Variants in ALDH1L1 observed in about 807,000 individuals in gnomAD.
ALDH1L1 encodes aldehyde dehydrogenase 1 family member L1, also known as cytosolic 10-formyltetrahydrofolate dehydrogenase.
A neutral mutation model predicts 101.1 loss-of-function variants in ALDH1L1; 68 were observed. The observed-to-expected ratio is 0.67, with a 90% CI of 0.55 to 0.82. The LOEUF is 0.82. ALDH1L1 is among the 40% of genes least tolerant of loss of function. The pLI is 0.00. For missense variants in ALDH1L1, 1,087 were observed against 1,172.7 expected (o/e 0.93, Z 1.07); for synonymous variants, 486 against 470.8 (o/e 1.03, Z -0.42).
At position 126,103,864 on chromosome 3, in the gene ALDH1L1, G is replaced by A; in HGVS notation, c.2654-18C>T. The A allele has an allele frequency of 1.2e-6, 2 of 1,611,992 alleles. No homozygotes were observed. Among genetic ancestry groups the A allele is most frequent in the Non-Finnish European group, 1.7e-6 (2 of 1,179,096 alleles). On this transcript the variant is annotated intron_variant, in intron 22 of 22. Transcript: ENST00000393434. ...CGCCTCTCCTGTAAGACACCACAAAGGTCACAGCAGCTCCCACCACAGGCA... is the reference window on the plus strand; with the variant it reads ...CGCCTCTCCTGTAAGACACCACAAAAGTCACAGCAGCTCCCACCACAGGCA...
At chr3:126,138,084 T>G (rs987970731) in intron 9 of ALDH1L1, 124 bp from the exon 10 acceptor site, 114 of 1,273,276 alleles carry the variant, frequency 9.0e-5, no homozygotes, top group Non-Finnish European at 8.8e-5. Flanking sequence ...GAGGTAGCCA[T>G]GAGCCCAGAA....
intron 1 of ALDH1L1, among the ~76,000 whole-genome samples, chr3:126,193,076 C>T (rs763961149): frequency 2.8e-4 from 43 of 152,176 alleles, no homozygotes; most frequent in Non-Finnish European, 4.9e-4. Context: ...GCGACTGTTA[C>T]AAGTGCATAC....
At position 126,159,222 on chromosome 3, in the gene ALDH1L1, GCA is replaced by G. The variant is rs143177704; in HGVS notation, c.128-585_128-584del. ...CTAGCCTCAATATGCACACATGCGT[GCA>G]CACACACACACACACACACACACCC... On this transcript the variant is annotated intron_variant, in intron 2 of 22. Coordinates refer to ENST00000393434, the MANE Select transcript of ALDH1L1 (RefSeq NM_012190.4). 1.6e-3 allele frequency among the ~76,000 whole-genome samples: 241 copies of G among 146,972 alleles called. 1 individual carries two copies. The highest frequency in any genetic ancestry group is 2.6e-3 in the Non-Finnish European group (169 of 66,126).
chr3:126,170,817 C>T (rs778588844), intron 1 of ALDH1L1, among the ~76,000 whole-genome samples: 29 of 152,140 alleles, frequency 1.9e-4, no homozygotes, highest in Non-Finnish European at 2.2e-4. Context: ...TAACTACAAG[C>T]AGCCAGAAAG....
chr3:126,172,768 C>A (rs2081303673), intron 1 of ALDH1L1, among the ~76,000 whole-genome samples: 1 of 151,132 alleles, frequency 6.6e-6, no homozygotes, highest in African/African-American at 2.4e-5. Context: ...CCCCCACCCC[C>A]CAAAAAATCT....
chr3:126,106,662 C>T (rs538906877), intron 21 of ALDH1L1, among the ~76,000 whole-genome samples: 15 of 152,298 alleles, frequency 9.8e-5, no homozygotes, highest in South Asian at 4.1e-4. Flanking sequence ...GGCTGCCACG[C>T]GGAGGAAGCC....
intron 1 of ALDH1L1, among the ~76,000 whole-genome samples, chr3:126,186,572 G>A (rs1276665885): frequency 6.6e-6 from 1 of 152,204 alleles, no homozygotes; most frequent in Non-Finnish European, 1.5e-5. Flanking sequence ...GAGGAGTGCA[G>A]CGTGTAGGGA....
chr3:126,168,952 TACAG>T (rs2081222202), intron 1 of ALDH1L1, among the ~76,000 whole-genome samples: 1 of 152,186 alleles, frequency 6.6e-6, no homozygotes, highest in East Asian at 1.9e-4. Context: ...TTTTGTTATT[TACAG>T]ACAATTTTTA....
At chr3:126,184,242 ACT>A (rs1306760537), upstream of ALDH1L1, among the ~76,000 whole-genome samples, 2 of 152,166 alleles carry the variant, frequency 1.3e-5, no homozygotes, top group Non-Finnish European at 2.9e-5. Context: ...AGTTCAGTTC[ACT>A]GTGCCGGGAA....
chr3:126,164,156 G>A (rs980725587), intron 1 of ALDH1L1, among the ~76,000 whole-genome samples: 1 of 152,112 alleles, frequency 6.6e-6, no homozygotes, highest in Non-Finnish European at 1.5e-5. Flanking sequence ...GGCAAGGCAA[G>A]GTAGGGCGGG....
At chr3:126,177,359 G>C (rs1440382118) in intron 1 of ALDH1L1, among the ~76,000 whole-genome samples, 1 of 152,192 alleles carries the variant, frequency 6.6e-6, no homozygotes, top group African/African-American at 2.4e-5. Context: ...CCATACAACA[G>C]AATATTAGTC....
In ALDH1L1 at chr3:126,158,396, C is replaced by T; in HGVS notation, c.362+9G>A. On this transcript the variant is annotated intron_variant, in intron 3 of 22. Coordinates refer to ENST00000393434, the MANE Select transcript of ALDH1L1 (RefSeq NM_012190.4). ...GGGGATGGCCCCCTGTGTTTTTGCC[C>T]CATCTCACCAGTTGATGGCCGAGGC... 6.4e-7 allele frequency: 1 copy of T among 1,566,048 alleles called. No individual in the cohort carries two copies. The highest frequency in any genetic ancestry group is 1.2e-5 in the South Asian group (1 of 86,818).
upstream of ALDH1L1, among the ~76,000 whole-genome samples, chr3:126,181,951 A>T (rs2108349070): frequency 6.6e-6 from 1 of 152,172 alleles, no homozygotes; most frequent in African/African-American, 2.4e-5. Flanking sequence ...ATATCTGTGG[A>T]ACTTCTCGAC....
Position 126,157,400 on chromosome 3 carries a change from G to T in ALDH1L1, c.471C>A (p.Asp157Glu). ...GGTTGTACAGCGTGCTCACGGTGTC[G>T]TCCGGGAGCACCTCACACTCCTTCT... ...LLQKECEVLP[D>E]DTVSTLYNRF... Residue 157 changes from aspartate to glutamate, a missense_variant, in exon 4 of 23, where the codon GAC (aspartate) becomes GAA (glutamate). By Grantham distance (45) the Asp-to-Glu change is conservative. Coordinates refer to ENST00000393434, the MANE Select transcript of ALDH1L1 (RefSeq NM_012190.4). 4 of 1,614,042 alleles carry T rather than the reference G, an allele frequency of 2.5e-6. No individual in the cohort carries two copies. The highest frequency in any genetic ancestry group is 3.4e-6 in the Non-Finnish European group (4 of 1,179,994).
At chr3:126,141,069 A>C (rs1023776685) in intron 9 of ALDH1L1, among the ~76,000 whole-genome samples, 1 of 152,088 alleles carries the variant, frequency 6.6e-6, no homozygotes, top group Non-Finnish European at 1.5e-5. Flanking sequence ...AGATATAATG[A>C]TACAAAAGAG....
At chr3:126,126,368 C>G (rs940746704) in intron 14 of ALDH1L1, among the ~76,000 whole-genome samples, 12 of 152,296 alleles carry the variant, frequency 7.9e-5, no homozygotes, top group Admixed American at 7.2e-4. Context: ...TGCCTTCCCC[C>G]CATACAGCAC....
Position 126,124,462 on chromosome 3 carries a change from G to C in ALDH1L1, c.1801-11C>G, listed in dbSNP as rs202221891. 7.0e-5 allele frequency: 112 copies of C among 1,607,072 alleles called. No individual in the cohort carries two copies. In the African/African-American group the frequency reaches 1.4e-3, roughly 20 times the overall value. ...TGTGAGTGGGGTCACCTGGGTGTGG[G>C]GCCAGGAAAGGAGACTGGGTAAGGA... On this transcript the variant is annotated splice_polypyrimidine_tract_variant and intron_variant, in intron 15 of 22. Coordinates refer to ENST00000393434, the MANE Select transcript of ALDH1L1 (RefSeq NM_012190.4).
intron 9 of ALDH1L1, among the ~76,000 whole-genome samples, chr3:126,140,101 G>A (rs1329060751): frequency 6.6e-6 from 1 of 152,114 alleles, no homozygotes; most frequent in Admixed American, 6.6e-5. Flanking sequence ...TCCACACCAA[G>A]GCACATTACA....
chr3:126,134,324 C>T (rs1367833382), intron 12 of ALDH1L1, among the ~76,000 whole-genome samples: 4 of 152,200 alleles, frequency 2.6e-5, no homozygotes, highest in Non-Finnish European at 5.9e-5. Context: ...ATGATACAAG[C>T]CACCAGATGG....
Sources: allele counts gnomAD v4.1 joint callset (sites outside exome capture counted in the v4.1 genomes callset), GRCh38; gene constraint gnomAD v4.1.1; transcripts MANE v1.5; gene names NCBI Gene and HGNC (gene_info 2026-07-23, HGNC 2026-07-21).